Variants in GABRB3 observed in about 807,000 individuals in gnomAD.
The protein encoded by GABRB3 is gamma-aminobutyric acid receptor subunit beta-3.
A neutral mutation model predicts 52.1 loss-of-function variants in GABRB3; 14 were observed. That is an observed-to-expected ratio of 0.27 (90% CI 0.18 to 0.42). The LOEUF (loss-of-function observed/expected upper bound fraction) is 0.42. Ranked by LOEUF, GABRB3 falls within the 10% of genes least tolerant of loss-of-function variation. The pLI is 1.00. For synonymous variants in GABRB3, 260 were observed against 232.3 expected (o/e 1.12, Z -1.08); for missense variants, 307 against 609.1 (o/e 0.50, Z 5.22).
chr15:26,552,728 T>C (rs1016596303), intron 8 of GABRB3, among the ~76,000 whole-genome samples: 2 of 152,198 alleles, frequency 1.3e-5, no homozygotes, highest in Admixed American at 1.3e-4. Flanking sequence ...GCTTGTCCAC[T>C]GGTCTTTATC....
intron 3 of GABRB3, 155 bp downstream of exon 3, chr15:26,772,247 A>T: frequency 1.6e-6 from 1 of 612,414 alleles, no homozygotes; most frequent in Admixed American, 3.4e-5. Context: ...GGAGCCGGGC[A>T]AGCGAGGGGC....
At chr15:26,665,159 G>A (rs967011828) in intron 3 of GABRB3, among the ~76,000 whole-genome samples, 4 of 151,180 alleles carry the variant, frequency 2.6e-5, no homozygotes, top group South Asian at 4.2e-4. Flanking sequence ...AACTATAGTC[G>A]CCCTACTGTG....
At chr15:26,763,021 A>G (rs1890861780) in intron 3 of GABRB3, among the ~76,000 whole-genome samples, 1 of 152,234 alleles carries the variant, frequency 6.6e-6, no homozygotes, top group Non-Finnish European at 1.5e-5. Context: ...CAATCAATCC[A>G]GGTCCTCAGA....
At chr15:26,735,890 G>C (rs539069382) in intron 3 of GABRB3, among the ~76,000 whole-genome samples, 1 of 151,884 alleles carries the variant, frequency 6.6e-6, no homozygotes, top group Non-Finnish European at 1.5e-5. Flanking sequence ...AGGAGGTTGA[G>C]GCTGCAGTGA....
At chr15:26,594,765 C>T (rs1566764537) in intron 4 of GABRB3, among the ~76,000 whole-genome samples, 1 of 152,206 alleles carries the variant, frequency 6.6e-6, no homozygotes, top group Admixed American at 6.5e-5. Flanking sequence ...ATACTCCCAC[C>T]TCAGCCTCCT....
At chr15:26,656,776 GA>G (rs780479686) in intron 3 of GABRB3, among the ~76,000 whole-genome samples, 2 of 152,164 alleles carry the variant, frequency 1.3e-5, no homozygotes, top group African/African-American at 2.4e-5. Context: ...CCCATCTGTG[GA>G]AAAAAGTGTC....
intron 8 of GABRB3, among the ~76,000 whole-genome samples, chr15:26,555,555 C>T (rs2077920): frequency 0.098 from 14,874 of 152,122 alleles, 2,476 homozygotes; most frequent in African/African-American, 0.34. Flanking sequence ...TGAGGGAAGT[C>T]AAACCCACCT....
intron 3 of GABRB3, among the ~76,000 whole-genome samples, chr15:26,691,648 C>T (rs1384616483): frequency 2.6e-5 from 4 of 152,200 alleles, no homozygotes; most frequent in Admixed American, 6.5e-5. Context: ...AAAGGAATTA[C>T]AAGAAATAAG....
intron 3 of GABRB3, among the ~76,000 whole-genome samples, chr15:26,672,787 G>T (rs750542222): frequency 6.6e-6 from 1 of 152,152 alleles, no homozygotes; most frequent in African/African-American, 2.4e-5. Context: ...GAGCAGATGC[G>T]CAATGTTTAC....
At chr15:26,593,859 T>C (rs1891295237) in intron 4 of GABRB3, among the ~76,000 whole-genome samples, 3 of 151,480 alleles carry the variant, frequency 2.0e-5, no homozygotes, top group Non-Finnish European at 2.9e-5. Flanking sequence ...AATTTTACGT[T>C]TAAATTTTGA....
In GABRB3 at chr15:26,707,303, T is replaced by C. The variant is rs1384391543; in HGVS notation, c.240+65099A>G. Among the ~76,000 whole-genome samples, 8 of 152,144 alleles carry C rather than the reference T, an allele frequency of 5.3e-5. No homozygotes were observed. The East Asian group carries it at 1.5e-3, about 29-fold the overall frequency. On this transcript the variant is annotated intron_variant, in intron 3 of 8. Coordinates refer to ENST00000311550, the MANE Select transcript of GABRB3 (RefSeq NM_000814.6). ...CGATAGATATTAAAGGAATATCGTG[T>C]CAGCACAGGGGATGGAGAGCAAGAC...
chr15:26,664,933 C>G lies in GABRB3; in HGVS notation c.241-43399G>C, dbSNP rs191195663. Among the ~76,000 whole-genome samples, 81 of 152,092 alleles carry G rather than the reference C, an allele frequency of 5.3e-4. No individual in the cohort carries two copies. In the Middle Eastern group the frequency reaches 0.014, roughly 26 times the overall value. On this transcript the variant is annotated intron_variant, in intron 3 of 8. Transcript: ENST00000311550. ...CAGGCTGGTCTCAAACTCCCGACCT[C>G]AGGTGATCCACCCACCTTGGCCTCC... is the stretch of plus-strand genomic sequence containing the variant.
At chr15:26,628,846 G>A (rs1299282713) in intron 3 of GABRB3, 1 of 931,876 alleles carries the variant, frequency 1.1e-6, no homozygotes. Flanking sequence ...GGCCAGCAGA[G>A]GCCTGAAACG....
chr15:26,709,095 T>C (rs866204714), intron 3 of GABRB3, among the ~76,000 whole-genome samples: 1 of 152,228 alleles, frequency 6.6e-6, no homozygotes, highest in African/African-American at 2.4e-5. Flanking sequence ...AAAACAATCA[T>C]CCATTCTAAG....
chr15:26,752,378 C>T (rs1480546200), intron 3 of GABRB3, among the ~76,000 whole-genome samples: 2 of 151,856 alleles, frequency 1.3e-5, no homozygotes, highest in African/African-American at 4.8e-5. Flanking sequence ...ATTCTCCTGC[C>T]TCAGCCTCCC....
rs1893228402 is a variant in GABRB3 at position 26,642,434 on chromosome 15, T to C, written c.241-20900A>G. 2.3e-6 allele frequency: 3 copies of C among 1,278,716 alleles called. No homozygotes were observed. In the South Asian group the frequency reaches 3.7e-5, roughly 16 times the overall value. 79.2% of individuals were successfully genotyped at this position (1,278,716 alleles called of 1,614,324 possible). A position where few individuals can be genotyped will look rare whatever the true frequency, so the allele number is the denominator to read the frequency against. On this transcript the variant is annotated intron_variant, in intron 3 of 8. Coordinates refer to ENST00000311550, the MANE Select transcript of GABRB3 (RefSeq NM_000814.6). ...CTGTGTATATATATGTATACATACA[T>C]TTTCAATTCCAAACTCCTGGAAAGG...
chr15:26,754,632 T>C (rs1890607280), intron 3 of GABRB3, among the ~76,000 whole-genome samples: 1 of 152,170 alleles, frequency 6.6e-6, no homozygotes, highest in African/African-American at 2.4e-5. Context: ...ATTAACTACA[T>C]GGAAAACAGT....
rs1404046176 is a variant in GABRB3 at position 26,567,571 on chromosome 15, T to C, written c.835+10A>G. 1.2e-6 allele frequency: 2 copies of C among 1,612,760 alleles called. No individual in the cohort carries two copies. Among genetic ancestry groups the C allele is most frequent in the African/African-American group, 1.3e-5 (1 of 74,904 alleles). ...TTTACATTTAAATATCACTTAAAAA[T>C]AGCACATACCGAGGGCAACTCTAGC... is the stretch of plus-strand genomic sequence containing the variant. On this transcript the variant is annotated intron_variant, in intron 7 of 8. Transcript: ENST00000311550.
At chr15:26,561,777 T>C (rs1326041651) in intron 7 of GABRB3, among the ~76,000 whole-genome samples, 1 of 152,130 alleles carries the variant, frequency 6.6e-6, no homozygotes, top group Non-Finnish European at 1.5e-5. Flanking sequence ...GAGAAAGAAA[T>C]AGCTGAGTGA....
Sources: allele counts gnomAD v4.1 joint callset (sites outside exome capture counted in the v4.1 genomes callset), GRCh38; gene constraint gnomAD v4.1.1; transcripts MANE v1.5; gene names NCBI Gene and HGNC (gene_info 2026-07-23, HGNC 2026-07-21).